The following DOCK2 variants were observed in gnomAD, a reference collection of about 807,000 sequenced individuals.
DOCK2 encodes dedicator of cytokinesis 2.
DOCK2 carries 87 observed loss-of-function variants against 248.9 expected under a neutral mutation model. The ratio of observed to expected loss-of-function variants is 0.35; its 90% CI spans 0.29 to 0.42. DOCK2 has a LOEUF of 0.42. Among genes scored for constraint, DOCK2 ranks in the 10% least tolerant of loss-of-function variants. The pLI, the probability that DOCK2 is intolerant of heterozygous loss-of-function variation, is 1.00. For missense variants in DOCK2, 1,747 were observed against 2,300.2 expected (o/e 0.76, Z 4.92); for synonymous variants, 805 against 821.6 (o/e 0.98, Z 0.35).
chr5:169,691,863 A>T lies in DOCK2; in HGVS notation c.843+2530A>T, dbSNP rs552830070. On this transcript the variant is annotated intron_variant, in intron 9 of 51. Transcript: ENST00000520908. ...TTTATTTATTTATTTATTTTTATTT[A>T]TTTTTTTTTTTGAGATGGAGTCTTG... 7.1e-4 allele frequency among the ~76,000 whole-genome samples: 104 copies of T among 145,558 alleles called. No individual in the cohort carries two copies. The South Asian group carries it at 7.8e-3, about 11-fold the overall frequency.
intron 22 of DOCK2, among the ~76,000 whole-genome samples, chr5:169,744,561 CA>C (rs1295440296): frequency 2.7e-5 from 4 of 147,318 alleles, no homozygotes; most frequent in Admixed American, 2.0e-4. Context: ...CTAGTCTAGG[CA>C]AAAAGGAGAG....
intron 27 of DOCK2, chr5:169,875,453 A>G: frequency 2.7e-6 from 1 of 367,622 alleles, no homozygotes; most frequent in Middle Eastern, 8.9e-4. Context: ...TTCCACTGAG[A>G]CCTAATATCC....
At chr5:169,933,539 C>G (rs1775855770) in intron 27 of DOCK2, among the ~76,000 whole-genome samples, 1 of 152,172 alleles carries the variant, frequency 6.6e-6, no homozygotes, top group South Asian at 2.1e-4. Context: ...CTGCATTCAC[C>G]TGGGGAAGGA....
Position 169,714,045 on chromosome 5 carries a change from G to A in DOCK2, c.1677G>A (p.Met559Ile). 6 of 1,603,062 alleles carry A rather than the reference G, an allele frequency of 3.7e-6. No individual in the cohort carries two copies. The highest frequency in any genetic ancestry group is 5.1e-6 in the Non-Finnish European group (6 of 1,172,646). Residue 559 changes from methionine (M) to isoleucine (I), a missense_variant, in exon 18 of 52, where the codon ATG becomes ATA. This residue lies in a region of DOCK2 where 858 missense variants were observed against 1,183.5 expected (regional missense o/e 0.72). Coordinates refer to ENST00000520908, the MANE Select transcript of DOCK2 (RefSeq NM_004946.3). ...GTTTCCAGGGGGACAGCAAGAAGAT[G>A]GAGGATGCCAGCGCATACCTGACCC... Reference protein sequence around the residue: ...LVVLKGDSKKMEDASAYLTLP... With the variant: ...LVVLKGDSKKIEDASAYLTLP...
intron 27 of DOCK2, chr5:169,881,262 T>C: frequency 4.5e-6 from 4 of 884,698 alleles, no homozygotes; most frequent in Non-Finnish European, 7.2e-6. Flanking sequence ...GTTAAATACC[T>C]TGTTTTTGCC....
At chr5:170,063,025 C>T (rs772271833) in intron 44 of DOCK2, among the ~76,000 whole-genome samples, 2 of 152,182 alleles carry the variant, frequency 1.3e-5, no homozygotes, top group African/African-American at 2.4e-5. Flanking sequence ...AGTCTGTGCA[C>T]ACATTGAGTT....
chr5:169,821,478 A>G (rs1287658685), intron 26 of DOCK2, among the ~76,000 whole-genome samples: 1 of 152,204 alleles, frequency 6.6e-6, no homozygotes, highest in Middle Eastern at 3.2e-3. Context: ...ACATTCTTAA[A>G]GAAAAGAATT....
chr5:170,061,895 C>T (rs771403819), intron 44 of DOCK2, among the ~76,000 whole-genome samples: 8 of 152,224 alleles, frequency 5.3e-5, no homozygotes, highest in Non-Finnish European at 1.0e-4. Flanking sequence ...CCCTCAGAGC[C>T]CCCCCAGAGT....
intron 27 of DOCK2, among the ~76,000 whole-genome samples, chr5:169,863,465 AAAAAC>A (rs1771332432): frequency 6.6e-6 from 1 of 152,254 alleles, no homozygotes; most frequent in Non-Finnish European, 1.5e-5. Context: ...AGTTCACACC[AAAAAC>A]AGATTCCACC....
intron 10 of DOCK2, among the ~76,000 whole-genome samples, chr5:169,697,377 A>G (rs1226709816): frequency 6.6e-6 from 1 of 152,118 alleles, no homozygotes; most frequent in African/African-American, 2.4e-5. Context: ...CTTGCATCCT[A>G]CCAACTTAGC....
At position 169,695,794 on chromosome 5, in the gene DOCK2, T is replaced by G; in HGVS notation, c.844-9T>G. On this transcript the variant is annotated splice_polypyrimidine_tract_variant and intron_variant, in intron 9 of 51. Transcript: ENST00000520908. ...CATGATGGTCAATTTTTTGTTTCTT[T>G]CCCCCCAGGATCTTGGAAACAAAGA... is the stretch of plus-strand genomic sequence containing the variant. 2 of 1,612,474 alleles carry G rather than the reference T, an allele frequency of 1.2e-6. No individual in the cohort carries two copies. Among genetic ancestry groups the G allele is most frequent in the Non-Finnish European group, 1.7e-6 (2 of 1,179,518 alleles).
chr5:169,702,073 G>T, intron 13 of DOCK2: 1 of 349,432 alleles, frequency 2.9e-6, no homozygotes, highest in Non-Finnish European at 5.2e-6. Context: ...AATTTTGAGT[G>T]TCCCTACTTC....
rs10680344 is a variant in DOCK2, at chr5:169,709,546, A to AATAC, written c.1482+1299_1482+1302dup. Among the ~76,000 whole-genome samples the AATAC allele has an allele frequency of 7.8e-3, 1,181 of 152,090 alleles. 22 individuals are homozygous for AATAC. The highest frequency in any genetic ancestry group is 0.028 in the African/African-American group (1,140 of 41,438). ...TGAAACTCTGTCTCTACTAAAAATA[A>AATAC]ATACATACATACATACATACATAAA... On this transcript the variant is annotated intron_variant, in intron 15 of 51. Transcript: ENST00000520908.
intron 27 of DOCK2, among the ~76,000 whole-genome samples, chr5:169,939,061 G>A (rs1029973684): frequency 4.6e-5 from 7 of 151,320 alleles, no homozygotes; most frequent in Non-Finnish European, 8.8e-5. Context: ...GCACCACCAC[G>A]CCCTGCTAAT....
At chr5:169,707,632 C>T (rs1002394158) in intron 14 of DOCK2, among the ~76,000 whole-genome samples, 1 of 152,134 alleles carries the variant, frequency 6.6e-6, no homozygotes, top group African/African-American at 2.4e-5. Context: ...CTGAACTGAG[C>T]CTCCTCCCCG....
chr5:169,888,752 T>C (rs911596503), intron 27 of DOCK2, among the ~76,000 whole-genome samples: 3 of 152,212 alleles, frequency 2.0e-5, no homozygotes, highest in African/African-American at 7.2e-5. Context: ...GAGAATTAAA[T>C]GAAATAATCT....
intron 26 of DOCK2, among the ~76,000 whole-genome samples, chr5:169,827,676 A>G (rs989327800): frequency 2.0e-5 from 3 of 152,192 alleles, no homozygotes; most frequent in African/African-American, 4.8e-5. Flanking sequence ...TTCGGAATAA[A>G]TCAAGGAAAA....
At chr5:170,057,383 C>T in intron 43 of DOCK2, 197 bp from the exon 44 acceptor site, 2 of 644,144 alleles carry the variant, frequency 3.1e-6, no homozygotes, top group South Asian at 1.8e-5. Context: ...CCAGGGAGAG[C>T]TTACACTTAA....
chr5:170,018,530 C>T (rs1442161753), intron 32 of DOCK2, among the ~76,000 whole-genome samples: 2 of 152,198 alleles, frequency 1.3e-5, no homozygotes, highest in African/African-American at 4.8e-5. Context: ...GCAAATTTTG[C>T]TTTTCTCATT....
Sources: allele counts gnomAD v4.1 joint callset (sites outside exome capture counted in the v4.1 genomes callset), GRCh38; gene constraint gnomAD v4.1.1; regional missense constraint gnomAD v4.1.1; transcripts MANE v1.5; gene names NCBI Gene and HGNC (gene_info 2026-07-23, HGNC 2026-07-21).